Variants in SEC16A observed in about 807,000 individuals in gnomAD.
SEC16A encodes SEC16 homolog A, endoplasmic reticulum export factor, also known as protein transport protein Sec16A.
A neutral mutation model predicts 221.9 loss-of-function variants in SEC16A; 110 were observed. The observed-to-expected ratio is 0.50, with a 90% confidence interval of 0.42 to 0.58. SEC16A has a LOEUF of 0.58. Ranked by LOEUF, SEC16A falls within the 20% of genes least tolerant of loss-of-function variation. The pLI, the probability that SEC16A is intolerant of heterozygous loss-of-function variation, is 0.00. For synonymous variants in SEC16A, 1,393 were observed against 1,257.7 expected (o/e 1.11, Z -2.28); for missense variants, 3,165 against 3,097.8 (o/e 1.02, Z -0.52).
chr9:136,455,013 C>T (rs553476452), intron 20 of SEC16A, among the ~76,000 whole-genome samples: 10 of 152,234 alleles, frequency 6.6e-5, no homozygotes, highest in African/African-American at 2.2e-4. Flanking sequence ...ACCGTGAGGA[C>T]CCTGGCTTGT....
In SEC16A at chr9:136,478,035, G is replaced by A. The variant is rs368842610; in HGVS notation, c.-69-351C>T. 6.6e-5 allele frequency among the ~76,000 whole-genome samples: 10 copies of A among 152,302 alleles called. No homozygotes were observed. The East Asian group carries it at 1.5e-3, about 23-fold the overall frequency. The stretch of plus-strand genomic sequence containing the variant: ...CGGAACCTGACCACTGCTGTGATAT[G>A]CTACCAGACCCACAGATACTCAATG... On this transcript the variant is annotated intron_variant, in intron 2 of 31. Transcript: ENST00000684901.
intron 17 of SEC16A, among the ~76,000 whole-genome samples, chr9:136,458,871 C>T (rs1316942950): frequency 6.6e-6 from 1 of 152,096 alleles, no homozygotes; most frequent in Non-Finnish European, 1.5e-5. Flanking sequence ...CAGTGCACTC[C>T]AGCCTGGGCA....
chr9:136,468,881 A>C (rs148528823), intron 4 of SEC16A, among the ~76,000 whole-genome samples: 1 of 151,922 alleles, frequency 6.6e-6, no homozygotes, highest in Non-Finnish European at 1.5e-5. Context: ...GACAGGTTTC[A>C]CTCTGTCGCA....
chr9:136,453,099 AAG>A lies in SEC16A; in HGVS notation c.6159+327_6159+328del, dbSNP rs1178484499. Among the ~76,000 whole-genome samples, 9 of 151,830 alleles carry A rather than the reference AAG, an allele frequency of 5.9e-5. No individual in the cohort carries two copies. The East Asian group carries it at 1.5e-3, about 26-fold the overall frequency. ...AAAAAAAAAAGAAAAAAAAAAGAAAAAGAGATGTAGAAATCAGAGAAGGTACC... is the reference window on the plus strand; with the variant it reads ...AAAAAAAAAAGAAAAAAAAAAGAAAAAGATGTAGAAATCAGAGAAGGTACC... On this transcript the variant is annotated intron_variant, in intron 22 of 31. Transcript: ENST00000684901.
At chr9:136,455,432 G>C (rs1334486967) in intron 20 of SEC16A, among the ~76,000 whole-genome samples, 169 bp downstream of exon 20, 1 of 152,196 alleles carries the variant, frequency 6.6e-6, no homozygotes, top group Non-Finnish European at 1.5e-5. Context: ...AGCATGAAGG[G>C]AAGAGGGAGG....
In SEC16A at chr9:136,476,408, A is replaced by C. The variant is rs1192671063; in HGVS notation, c.1208T>G (p.Phe403Cys). 20 of 1,612,952 alleles carry C rather than the reference A, an allele frequency of 1.2e-5. No homozygotes were observed. The highest frequency in any genetic ancestry group is 1.7e-5 in the Non-Finnish European group (20 of 1,179,872). Reference sequence around the variant, plus strand: ...ACGGCCTAGCCCAGGGCTGGAGCAGAAATCGTCAAAGTCCGCTTGACCAGA... The same window carrying C: ...ACGGCCTAGCCCAGGGCTGGAGCAGCAATCGTCAAAGTCCGCTTGACCAGA... Reference protein sequence around the residue: ...GLSGQADFDDFCSSPGLGRPP... With the variant: ...GLSGQADFDDCCSSPGLGRPP... Residue 403 changes from phenylalanine to cysteine, a missense_variant, in exon 3 of 32, where the codon TTC becomes TGC. Around this residue, in one of 3 missense-constraint regions of SEC16A, gnomAD observed 2,030 missense variants for 1,923.1 expected, o/e 1.06. Coordinates refer to ENST00000684901, the MANE Select transcript of SEC16A (RefSeq NM_014866.2).
At position 136,463,110 on chromosome 9, in the gene SEC16A, G is replaced by A. The variant is rs764153972; in HGVS notation, c.4670C>T (p.Ala1557Val). 77 of 1,610,830 alleles carry A rather than the reference G, an allele frequency of 4.8e-5. No homozygotes were observed. The highest frequency in any genetic ancestry group is 5.8e-5 in the Non-Finnish European group (69 of 1,179,882). ...QNGTVVGTDI[A>V]ELLLRDHRTV... ...TCTGTGGTCTCGTAACAGAAGCTCC[G>A]CAATGTCGGTCCCTACCACGGTCTG... The change falls in exon 12 of 32, where the codon GCG becomes GTG. Residue 1557 changes from alanine (A) to valine (V), a missense_variant. Physicochemically the swap from Ala to Val is moderately conservative, Grantham distance 64 (BLOSUM62 0). Around this residue, in one of 3 missense-constraint regions of SEC16A, gnomAD observed 1,088 missense variants for 1,089.6 expected, o/e 1.00. Coordinates refer to ENST00000684901, the MANE Select transcript of SEC16A (RefSeq NM_014866.2).
intron 12 of SEC16A, among the ~76,000 whole-genome samples, chr9:136,461,807 A>C (rs1337208976): frequency 6.6e-6 from 1 of 152,128 alleles, no homozygotes; most frequent in Non-Finnish European, 1.5e-5. Context: ...AACATCCATA[A>C]TAGACTCATA....
chr9:136,472,850 A>C (rs894411849), intron 3 of SEC16A, among the ~76,000 whole-genome samples: 1 of 152,232 alleles, frequency 6.6e-6, no homozygotes, highest in African/African-American at 2.4e-5. Context: ...GGCCACCCGG[A>C]CACCACAGCA....
At chr9:136,442,839 G>A (rs1836383755) in intron 31 of SEC16A, among the ~76,000 whole-genome samples, 1 of 152,248 alleles carries the variant, frequency 6.6e-6, no homozygotes, top group African/African-American at 2.4e-5. Context: ...GGCCGGAGGA[G>A]AAAGGCAGCT....
intron 12 of SEC16A, 146 bp downstream of exon 12, chr9:136,462,741 C>T: frequency 2.3e-6 from 2 of 869,034 alleles, no homozygotes; most frequent in Non-Finnish European, 3.4e-6. Flanking sequence ...AGGCATTGTT[C>T]AGGAAACAGC....
In SEC16A at chr9:136,457,592, G is replaced by C; in HGVS notation, c.5410-8C>G. On this transcript the variant is annotated splice_polypyrimidine_tract_variant and splice_region_variant and intron_variant, in intron 17 of 31. Transcript: ENST00000684901. ...GTAGATGAACTTAAACACCTGAAAC[G>C]ACAGAAGCCTTGCTGCCCTGCGGCT... is the stretch of plus-strand genomic sequence containing the variant. The C allele has an allele frequency of 6.2e-7, 1 of 1,606,254 alleles. No homozygotes were observed. The highest frequency in any genetic ancestry group is 8.5e-7 in the Non-Finnish European group (1 of 1,175,336).
At position 136,472,004 on chromosome 9, in the gene SEC16A, G is replaced by A. The variant is rs1428467569; in HGVS notation, c.3675C>T (p.Ala1225=). The A allele has an allele frequency of 6.8e-6, 11 of 1,611,750 alleles. No individual in the cohort carries two copies. The highest frequency in any genetic ancestry group is 3.3e-4 in the Middle Eastern group (2 of 6,084). ...YPEPERPSSR[A]SHSSERPPPR... Reference sequence around the variant, plus strand: ...GAGGTGGCCGTTCCGAGGAGTGGCTGGCTCGGGAGCTGGGCCGCTCGGGCT... The same window carrying A: ...GAGGTGGCCGTTCCGAGGAGTGGCTAGCTCGGGAGCTGGGCCGCTCGGGCT... Residue 1225 remains alanine, a synonymous_variant, in exon 4 of 32, where the codon GCC becomes GCT. Transcript: ENST00000684901.
chr9:136,444,984 CGCGTGCTCAGGAACACA>C (rs1836758117), intron 30 of SEC16A, 51 bp downstream of exon 30: 2 of 1,435,738 alleles, frequency 1.4e-6, no homozygotes, highest in African/African-American at 2.8e-5. Context: ...GAACCGGCAC[CGCGTGCTCAGGAACACA>C]GGCGGCACAC....
chr9:136,456,781 CTG>C (rs905977100), intron 18 of SEC16A, among the ~76,000 whole-genome samples: 2 of 152,250 alleles, frequency 1.3e-5, no homozygotes, highest in African/African-American at 4.8e-5. Flanking sequence ...GGCGAAGAAA[CTG>C]AGGCCTGCAG....
rs771055105 is a variant in SEC16A at position 136,476,898 on chromosome 9, C to T, written c.718G>A (p.Gly240Arg). 12 of 1,611,624 alleles carry T rather than the reference C, an allele frequency of 7.4e-6. No individual in the cohort carries two copies. Among genetic ancestry groups the T allele is most frequent in the Non-Finnish European group, 1.0e-5 (12 of 1,179,538 alleles). Residue 240 changes from glycine to arginine, a missense_variant, in exon 3 of 32, where the codon GGG (glycine) becomes AGG (arginine). Gly to Arg is a moderately radical substitution (Grantham distance 125). This residue lies in a region of SEC16A where 2,030 missense variants were observed against 1,923.1 expected (regional missense o/e 1.06). Coordinates refer to ENST00000684901, the MANE Select transcript of SEC16A (RefSeq NM_014866.2). ...GGAACGCTGGTGGCACAGGGCACCC[C>T]GCTGGGAACAGGTCCTTCAGGGCAG... Reference protein sequence around the residue: ...SPCPEGPVPSGVPCATSVPHF... With the variant: ...SPCPEGPVPSRVPCATSVPHF...
At chr9:136,468,327 A>G in intron 5 of SEC16A, 88 bp downstream of exon 5, 1 of 729,792 alleles carries the variant, frequency 1.4e-6, no homozygotes, top group Non-Finnish European at 2.4e-6. Context: ...AGTCACCAGC[A>G]GGTGCTGGCT....
Position 136,475,792 on chromosome 9 carries a change from A to C in SEC16A, c.1824T>G (p.Asn608Lys). The C allele has an allele frequency of 6.3e-7, 1 of 1,590,400 alleles. No homozygotes were observed. Among genetic ancestry groups the C allele is most frequent in the Non-Finnish European group, 8.6e-7 (1 of 1,168,112 alleles). The stretch of plus-strand genomic sequence containing the variant: ...GAGATTTTACCGGTTCGAAAGAACT[A>C]TTTGCACTTGTCTGAAATATTCCTG... The part of the protein sequence containing the change: ...KPTGIFQTSA[N>K]SSFEPVKSHL... Residue 608 changes from asparagine to lysine, a missense_variant, in exon 3 of 32, where the codon AAT becomes AAG. Asn to Lys is a moderately conservative substitution (Grantham distance 94). Coordinates refer to ENST00000684901, the MANE Select transcript of SEC16A (RefSeq NM_014866.2). The surrounding 1 kb of genome is among the most constrained non-coding windows in gnomAD (Gnocchi z 5.0).
In SEC16A at chr9:136,459,973, A is replaced by T; in HGVS notation, c.5073+69T>A. 3 of 1,537,184 alleles carry T rather than the reference A, an allele frequency of 2.0e-6. No individual in the cohort carries two copies. The highest frequency in any genetic ancestry group is 2.7e-6 in the Non-Finnish European group (3 of 1,126,374). On this transcript the variant is annotated intron_variant, in intron 14 of 31. Coordinates refer to ENST00000684901, the MANE Select transcript of SEC16A (RefSeq NM_014866.2). This position sits in a 1 kb window ranked among gnomAD's most constrained non-coding sequence, Gnocchi z 6.1. ...CACCAGGCACCTCACGGCCTGTGAC[A>T]GCGTCACCCACGAGCAAACTCCACA...
Sources: allele counts gnomAD v4.1 joint callset (sites outside exome capture counted in the v4.1 genomes callset), GRCh38; gene constraint gnomAD v4.1.1; regional missense constraint gnomAD v4.1.1; non-coding constraint Gnocchi (gnomAD v3.1); transcripts MANE v1.5; gene names NCBI Gene and HGNC (gene_info 2026-07-23, HGNC 2026-07-21).